Variants in REPIN1 observed in about 807,000 individuals in gnomAD.
The protein encoded by REPIN1 is replication initiator 1.
In REPIN1, 4 loss-of-function variants were observed where a neutral mutation model predicts 5.7. The observed-to-expected ratio is 0.71, with a 90% confidence interval of 0.35 to 1.62. REPIN1 has a LOEUF of 1.62. Among genes scored for constraint, REPIN1 ranks in the 40% most tolerant of loss-of-function variants. REPIN1 has a pLI of 0.05. For synonymous variants in REPIN1, 410 were observed against 386.2 expected (o/e 1.06, Z -0.72); for missense variants, 854 against 901.0 (o/e 0.95, Z 0.67).
At chr7:150,370,344 T>C (rs963588414) in intron 2 of REPIN1, 2 of 268,884 alleles carry the variant, frequency 7.4e-6, no homozygotes, top group Non-Finnish European at 1.5e-5. Context: ...GTTCCTTGGA[T>C]TCAGGGAGAG....
intron 2 of REPIN1, 122 bp downstream of exon 2, chr7:150,369,990 G>GTGC: frequency 8.4e-7 from 1 of 1,185,372 alleles, no homozygotes; most frequent in Non-Finnish European, 1.2e-6. Flanking sequence ...TGCACAGTCT[G>GTGC]ACACTGGGAA....
Position 150,371,916 on chromosome 7 carries a change from C to T in REPIN1, c.846C>T (p.Pro282=). 8 of 1,608,534 alleles carry T rather than the reference C, an allele frequency of 5.0e-6. No individual in the cohort carries two copies. Among genetic ancestry groups the T allele is most frequent in the Non-Finnish European group, 6.8e-6 (8 of 1,178,890 alleles). The part of the protein sequence containing the change: ...RPRGRPAVTA[P]RPGGDAVDRP... ...GGGGCCGCCCCGCGGTGACCGCCCC[C>T]CGGCCCGGTGGAGATGCCGTCGACC... The change falls in exon 3 of 3, where the codon CCC becomes CCT. Residue 282 remains proline (P), a synonymous_variant. Transcript: ENST00000489432.
chr7:150,371,247 G>T lies in REPIN1; in HGVS notation c.177G>T (p.Leu59=), dbSNP rs779500447. ...CSLQAEEEPM[L]ERRCRGPLAM... is the part of the protein sequence containing the mutation. ...CCTCAGCAGAGGAAGAACCGATGCTGGAACGTCGTTGCAGGGGCCCCCTGG... is the reference window on the plus strand; with the variant it reads ...CCTCAGCAGAGGAAGAACCGATGCTTGAACGTCGTTGCAGGGGCCCCCTGG... The change falls in exon 3 of 3, where the codon CTG becomes CTT. Residue 59 remains leucine (L), a synonymous_variant. Coordinates refer to ENST00000489432, the MANE Select transcript of REPIN1 (RefSeq NM_001099695.2). The T allele has an allele frequency of 3.8e-6, 6 of 1,598,064 alleles. No homozygotes were observed. Among genetic ancestry groups the T allele is most frequent in the Non-Finnish European group, 5.1e-6 (6 of 1,171,630 alleles).
At position 150,369,337 on chromosome 7, in the gene REPIN1, AG is replaced by A. The variant is rs560607520; in HGVS notation, c.-41-330del. On this transcript the variant is annotated intron_variant, in intron 1 of 2. Coordinates refer to ENST00000489432, the MANE Select transcript of REPIN1 (RefSeq NM_001099695.2). ...TTCCTGTCGGGAGGAGGCTGGGGGA[AG>A]GGGAGCCAGCAGGGATTCCAGAGTT... is the stretch of plus-strand genomic sequence containing the variant. 8.0e-4 allele frequency: 305 copies of A among 382,038 alleles called. 3 individuals carry two copies. Among genetic ancestry groups the A allele is most frequent in the Admixed American group, 3.2e-3 (87 of 27,450 alleles). 23.7% of individuals were successfully genotyped at this position (382,038 alleles called of 1,614,324 possible).
chr7:150,372,983 G>C lies in REPIN1; in HGVS notation c.*38G>C, dbSNP rs1490474675. 1 of 1,584,332 alleles carries C rather than the reference G, an allele frequency of 6.3e-7. No homozygotes were observed. The highest frequency in any genetic ancestry group is 1.3e-5 in the African/African-American group (1 of 74,632). On this transcript the variant is annotated 3_prime_UTR_variant, in exon 3 of 3. Coordinates refer to ENST00000489432, the MANE Select transcript of REPIN1 (RefSeq NM_001099695.2). ...GGCCGTGTTGGCTGAGAGAGGGCTG[G>C]GGTCCTTCGTGGTGGGAGTCGCAGT...
chr7:150,370,452 G>A, intron 2 of REPIN1: 1 of 404,028 alleles, frequency 2.5e-6, no homozygotes, highest in South Asian at 2.4e-5. Flanking sequence ...GCGTTAGACT[G>A]CCGGGAGTAG....
rs958262434 is a variant in REPIN1 at position 150,372,346 on chromosome 7, G to A, written c.1276G>A (p.Glu426Lys). 1.3e-6 allele frequency: 2 copies of A among 1,514,426 alleles called. No individual in the cohort carries two copies. The highest frequency in any genetic ancestry group is 1.8e-6 in the Non-Finnish European group (2 of 1,138,380). The allele number at this position is 1,514,426 out of a possible 1,614,324, so 93.8% of individuals were successfully genotyped here. Residue 426 changes from glutamate to lysine, a missense_variant, in exon 3 of 3, where the codon GAA becomes AAA. Glu to Lys is a moderately conservative substitution (Grantham distance 56). Transcript: ENST00000489432. ...APPEHPQDPIEAPPSLYSCDD... is the reference protein window; with the variant it reads ...APPEHPQDPIKAPPSLYSCDD... ...GCCAGAGCACCCGCAGGACCCGATC[G>A]AAGCCCCCCCCTCCCTCTACAGCTG...
chr7:150,368,865 G>C lies in REPIN1; in HGVS notation c.-118G>C, dbSNP rs1419629220. On this transcript the variant is annotated 5_prime_UTR_variant, in exon 1 of 3. Transcript: ENST00000489432. ...GCCGCTGTCGCCGCGGCGGGGCGGG[G>C]AGCGAGAGTGGGCCGCGGAGGCCGG... 1 of 338,976 alleles carries C rather than the reference G, an allele frequency of 3.0e-6. No individual in the cohort carries two copies. Among genetic ancestry groups the C allele is most frequent in the African/African-American group, 2.2e-5 (1 of 46,338 alleles). 21.0% of individuals were successfully genotyped at this position (338,976 alleles called of 1,614,324 possible). A position where few individuals can be genotyped will look rare whatever the true frequency, so the allele number is the denominator to read the frequency against.
Position 150,372,794 on chromosome 7 carries a change from C to G in REPIN1, c.1724C>G (p.Pro575Arg). Residue 575 changes from proline to arginine, a missense_variant, in exon 3 of 3, where the codon CCC (proline) becomes CGC (arginine). By Grantham distance (103) the Pro-to-Arg change is moderately radical (BLOSUM62 -2). Transcript: ENST00000489432. Reference protein sequence around the residue: ...IHTGERPYACPDCDRSFSQKS... With the variant: ...IHTGERPYACRDCDRSFSQKS... ...ACGGGCGAGCGGCCCTACGCCTGTC[C>G]CGACTGCGACCGCAGCTTCAGCCAG... The G allele has an allele frequency of 6.2e-7, 1 of 1,612,128 alleles. No homozygotes were observed. The highest frequency in any genetic ancestry group is 8.5e-7 in the Non-Finnish European group (1 of 1,179,978).
intron 2 of REPIN1, chr7:150,370,488 C>T (rs1799542290): frequency 2.1e-6 from 1 of 475,680 alleles, no homozygotes; most frequent in South Asian, 2.2e-5. Flanking sequence ...TCCTGTTCCC[C>T]GAGAAGGGCT....
intron 1 of REPIN1, 118 bp from the exon 2 acceptor site, chr7:150,369,553 G>A: frequency 1.2e-6 from 1 of 831,536 alleles, no homozygotes; most frequent in Non-Finnish European, 2.0e-6. Context: ...AGGATGTGGG[G>A]CTTATGGCTG....
At chr7:150,368,735 C>T, upstream of REPIN1, 1 of 266,332 alleles carries the variant, frequency 3.8e-6, no homozygotes, top group Non-Finnish European at 6.9e-6. Context: ...AGGCCGCGGC[C>T]GCGGGAGCCG....
Position 150,372,145 on chromosome 7 carries a change from C to A in REPIN1, c.1075C>A (p.Arg359=), listed in dbSNP as rs186085336. Residue 359 remains arginine, a synonymous_variant, in exon 3 of 3, where the codon CGG becomes AGG. Transcript: ENST00000489432. The part of the protein sequence containing the change: ...YPCKECGRRF[R]HKPNLLSHSK... Reference sequence around the variant, plus strand: ...GTGCAAAGAGTGCGGCCGCCGCTTCCGGCACAAACCCAACCTGCTGTCTCA... The same window carrying A: ...GTGCAAAGAGTGCGGCCGCCGCTTCAGGCACAAACCCAACCTGCTGTCTCA... The A allele has an allele frequency of 2.7e-4, 431 of 1,605,918 alleles. 1 individual carries two copies. The African/African-American group carries it at 5.3e-3, about 20-fold the overall frequency.
At position 150,371,484 on chromosome 7, in the gene REPIN1, C is replaced by T. The variant is rs1388286492; in HGVS notation, c.414C>T (p.Ala138=). 17 of 1,607,180 alleles carry T rather than the reference C, an allele frequency of 1.1e-5. No homozygotes were observed. The East Asian group carries it at 3.8e-4, about 36-fold the overall frequency. Residue 138 remains alanine (A), a synonymous_variant, in exon 3 of 3, where the codon GCC becomes GCT. Transcript: ENST00000489432. The part of the protein sequence containing the change: ...ALWLHTRRCQ[A]RLPLPCPECG... ...GGCTTCACACCCGCCGGTGCCAGGC[C>T]CGGCTGCCCTTGCCCTGCCCTGAGT...
chr7:150,372,003 C>G lies in REPIN1; in HGVS notation c.933C>G (p.His311Gln), dbSNP rs1799835494. The change falls in exon 3 of 3, where the codon CAC becomes CAG. Residue 311 changes from histidine to glutamine, a missense_variant. Physicochemically the swap from His to Gln is conservative, Grantham distance 24 (BLOSUM62 0). Around this residue, in one of 5 missense-constraint regions of REPIN1, gnomAD observed 12 missense variants for 29.8 expected, o/e 0.40. Coordinates refer to ENST00000489432, the MANE Select transcript of REPIN1 (RefSeq NM_001099695.2). Reference protein sequence around the residue: ...RFRHKPNLIAHRRVHTGERPH... With the variant: ...RFRHKPNLIAQRRVHTGERPH... ...GGCACAAGCCCAACTTGATCGCTCACCGCCGCGTGCACACGGGCGAGCGGC... is the reference window on the plus strand; with the variant it reads ...GGCACAAGCCCAACTTGATCGCTCAGCGCCGCGTGCACACGGGCGAGCGGC... 6.2e-7 allele frequency: 1 copy of G among 1,611,666 alleles called. No homozygotes were observed. Among genetic ancestry groups the G allele is most frequent in the Admixed American group, 1.7e-5 (1 of 59,978 alleles).
Position 150,373,053 on chromosome 7 carries a change from A to C in REPIN1, c.*108A>C. 1 of 1,441,628 alleles carries C rather than the reference A, an allele frequency of 6.9e-7. No individual in the cohort carries two copies. The highest frequency in any genetic ancestry group is 9.4e-7 in the Non-Finnish European group (1 of 1,068,922). 89.3% of individuals were successfully genotyped at this position (1,441,628 alleles called of 1,614,324 possible). On this transcript the variant is annotated 3_prime_UTR_variant, in exon 3 of 3. Transcript: ENST00000489432. The stretch of plus-strand genomic sequence containing the variant: ...AGTGCTGGAGTAGGGGACAATGGGA[A>C]TCCTAGAGGGGATGGAAGACGCGGG...
rs1356668584 is a variant in REPIN1, at chr7:150,372,732, C to T, written c.1662C>T (p.Ser554=). The change falls in exon 3 of 3, where the codon AGC becomes AGT. Residue 554 remains serine, a synonymous_variant. Coordinates refer to ENST00000489432, the MANE Select transcript of REPIN1 (RefSeq NM_001099695.2). ...YVCPDCGKAF[S]QKSNLVSHRR... ...GCCCCGACTGCGGCAAAGCCTTCAGCCAGAAGTCCAACCTGGTGTCGCACC... is the reference window on the plus strand; with the variant it reads ...GCCCCGACTGCGGCAAAGCCTTCAGTCAGAAGTCCAACCTGGTGTCGCACC... 3.1e-6 allele frequency: 5 copies of T among 1,612,600 alleles called. No individual in the cohort carries two copies. Among genetic ancestry groups the T allele is most frequent in the Non-Finnish European group, 3.4e-6 (4 of 1,179,888 alleles).
At chr7:150,370,488 C>A in intron 2 of REPIN1, 1 of 475,680 alleles carries the variant, frequency 2.1e-6, no homozygotes, top group Non-Finnish European at 3.8e-6. Context: ...TCCTGTTCCC[C>A]GAGAAGGGCT....
upstream of REPIN1, chr7:150,368,201 G>A (rs1799014814): frequency 6.6e-6 from 1 of 152,250 alleles, no homozygotes; most frequent in African/African-American, 2.4e-5. Flanking sequence ...AGGAAGCCCA[G>A]CAACTTCTGC....
Sources: allele counts gnomAD v4.1 joint callset, GRCh38; gene constraint gnomAD v4.1.1; regional missense constraint gnomAD v4.1.1; transcripts MANE v1.5; gene names NCBI Gene and HGNC (gene_info 2026-07-23, HGNC 2026-07-21).